SLC2A9: variants seen among roughly 807,000 people sequenced by gnomAD.
The protein encoded by SLC2A9 is solute carrier family 2, facilitated glucose transporter member 9.
SLC2A9 carries 39 observed loss-of-function variants against 50.6 expected under a neutral mutation model. That is an observed-to-expected ratio of 0.77 (90% CI 0.60 to 1.01). SLC2A9 has a LOEUF of 1.01. Ranked by LOEUF, SLC2A9 falls within the 50% of genes least tolerant of loss-of-function variation. SLC2A9 has a pLI of 0.00. For missense variants in SLC2A9, 686 were observed against 677.6 expected, an observed-to-expected ratio of 1.01 and a Z score of -0.14; for synonymous variants, 324 against 276.9, an observed-to-expected ratio of 1.17 and a Z score of -1.69.
At chr4:9,802,371 G>T (rs1457982751) in intron 3 of SLC2A9, among the ~76,000 whole-genome samples, 2 of 151,572 alleles carry the variant, frequency 1.3e-5, no homozygotes, top group Non-Finnish European at 2.9e-5. Flanking sequence ...TGTTGGGTCT[G>T]CAGGCTGGCC....
At chr4:9,879,290 G>T in intron 10 of SLC2A9, 1 of 985,382 alleles carries the variant, frequency 1.0e-6, no homozygotes, top group South Asian at 4.7e-5. Context: ...CACCTCAAAT[G>T]GATGAATAAG....
At chr4:9,784,646 G>A (rs4125992) in intron 3 of SLC2A9, among the ~76,000 whole-genome samples, 1 of 152,172 alleles carries the variant, frequency 6.6e-6, no homozygotes, top group African/African-American at 2.4e-5. Flanking sequence ...AGAAAAGCCC[G>A]GCTGACTCCA....
At chr4:9,990,828 T>C (rs77472549) in intron 3 of SLC2A9, among the ~76,000 whole-genome samples, 1 of 152,330 alleles carries the variant, frequency 6.6e-6, no homozygotes, top group East Asian at 1.9e-4. Context: ...TCCAGAGTTC[T>C]TGCCATTCTC....
chr4:9,800,566 T>C (rs1577321181), intron 3 of SLC2A9, among the ~76,000 whole-genome samples: 2 of 152,162 alleles, frequency 1.3e-5, no homozygotes, highest in Admixed American at 1.3e-4. Context: ...TGTGAGAAAA[T>C]ACTTTTGTGT....
At chr4:9,801,126 AG>A (rs1313633829) in intron 3 of SLC2A9, among the ~76,000 whole-genome samples, 3 of 150,694 alleles carry the variant, frequency 2.0e-5, no homozygotes, top group East Asian at 3.9e-4. Context: ...TGTTGTCAGG[AG>A]GAAAAAAAAA....
intron 6 of SLC2A9, among the ~76,000 whole-genome samples, chr4:9,922,301 C>T (rs748882556): frequency 1.3e-5 from 2 of 151,476 alleles, no homozygotes; most frequent in Non-Finnish European, 2.9e-5. Context: ...GGGAACAACA[C>T]ACACCAGAGC....
upstream of SLC2A9, among the ~76,000 whole-genome samples, chr4:10,023,550 A>C (rs1395822447): frequency 6.6e-6 from 1 of 152,194 alleles, no homozygotes; most frequent in Non-Finnish European, 1.5e-5. Flanking sequence ...TTGAAAACTC[A>C]AAAGGAACCA....
chr4:9,809,746 TAGCAG>T (rs1316810696), intron 3 of SLC2A9, among the ~76,000 whole-genome samples: 1 of 152,186 alleles, frequency 6.6e-6, no homozygotes, highest in African/African-American at 2.4e-5. Flanking sequence ...TTTAGGCACT[TAGCAG>T]AGTCCCGAAT....
intron 1 of SLC2A9, among the ~76,000 whole-genome samples, chr4:10,020,437 C>T (rs1032777907): frequency 1.3e-5 from 2 of 152,104 alleles, no homozygotes; most frequent in Non-Finnish European, 2.9e-5. Flanking sequence ...GGAGGTGCTC[C>T]GTAGAGGCTG....
rs75599884 is a variant in SLC2A9 at position 9,897,557 on chromosome 4, A to T, written c.1114-6846T>A. ...ACATCATTTGGATGGGCCTCAATCCATGATGACTGGTGTCCTTGAGCCAAT... is the reference window on the plus strand; with the variant it reads ...ACATCATTTGGATGGGCCTCAATCCTTGATGACTGGTGTCCTTGAGCCAAT... On this transcript the variant is annotated intron_variant, in intron 8 of 11. Transcript: ENST00000264784. 2.8e-3 allele frequency among the ~76,000 whole-genome samples: 433 copies of T among 152,192 alleles called. 18 individuals carry two copies. In the East Asian group the frequency reaches 0.062, roughly 22 times the overall value.
At chr4:9,982,893 G>A (rs1052635817) in intron 4 of SLC2A9, among the ~76,000 whole-genome samples, 4 of 152,188 alleles carry the variant, frequency 2.6e-5, no homozygotes, top group African/African-American at 9.7e-5. Flanking sequence ...TTTTGAGATC[G>A]AGTTTTGCTA....
upstream of SLC2A9, among the ~76,000 whole-genome samples, chr4:10,022,806 T>C (rs1300980687): frequency 1.3e-5 from 2 of 151,948 alleles, no homozygotes; most frequent in Non-Finnish European, 2.9e-5. Context: ...ACATGCACGG[T>C]GGTGGGAATG....
At chr4:9,968,756 T>A (rs996738665) in intron 5 of SLC2A9, among the ~76,000 whole-genome samples, 2 of 151,556 alleles carry the variant, frequency 1.3e-5, no homozygotes, top group East Asian at 3.9e-4. Flanking sequence ...TAGAAGGAGG[T>A]TTTTCATTGC....
chr4:10,010,672 T>C (rs904958412), intron 2 of SLC2A9, among the ~76,000 whole-genome samples: 2 of 152,266 alleles, frequency 1.3e-5, no homozygotes, highest in East Asian at 3.9e-4. Context: ...ACTGCTATAC[T>C]TTTGCCAAGC....
chr4:10,008,002 T>C (rs1761095730), intron 2 of SLC2A9, among the ~76,000 whole-genome samples: 1 of 152,230 alleles, frequency 6.6e-6, no homozygotes, highest in Non-Finnish European at 1.5e-5. Context: ...AGGGTGCTTC[T>C]AGTTTCACTT....
chr4:9,985,773 T>C lies in SLC2A9; in HGVS notation c.431A>G (p.Asn144Ser), dbSNP rs1376758785. 8.1e-6 allele frequency: 13 copies of C among 1,613,948 alleles called. No individual in the cohort carries two copies. Among genetic ancestry groups the C allele is most frequent in the African/African-American group, 1.3e-5 (1 of 74,942 alleles). ...TGCAGCAGAAATTGCAAACCCATTATTGGCCAGCAAAGTGTGCTTCCTGGA... is the reference window on the plus strand; with the variant it reads ...TGCAGCAGAAATTGCAAACCCATTACTGGCCAGCAAAGTGTGCTTCCTGGA... ...VLGRKHTLLA[N>S]NGFAISAALL... The change falls in exon 4 of 12, where the codon AAT becomes AGT. Residue 144 changes from asparagine (N) to serine (S), a missense_variant. Transcript: ENST00000264784.
intron 1 of SLC2A9, among the ~76,000 whole-genome samples, chr4:10,037,783 C>T (rs1190839468): frequency 2.6e-5 from 4 of 151,612 alleles, no homozygotes. Context: ...ACCCTGTCTC[C>T]ACTAAAAACA....
downstream of SLC2A9, among the ~76,000 whole-genome samples, chr4:9,824,111 T>G (rs1375380044): frequency 6.6e-6 from 1 of 152,022 alleles, no homozygotes; most frequent in South Asian, 2.1e-4. Context: ...ATTAATGGAT[T>G]AATGAGTGAA....
intron 3 of SLC2A9, among the ~76,000 whole-genome samples, chr4:9,818,169 G>T (rs1209724293): frequency 3.3e-5 from 5 of 152,132 alleles, no homozygotes; most frequent in Non-Finnish European, 7.4e-5. Flanking sequence ...TGCTGAGCGG[G>T]TGTCCTTTGC....
Sources: gnomAD v4.1 joint callset for allele counts (sites outside exome capture counted in the v4.1 genomes callset) on GRCh38, gnomAD v4.1.1 for gene constraint, MANE v1.5 for transcripts, NCBI Gene and HGNC (gene_info 2026-07-23, HGNC 2026-07-21) for gene names.